C5AR2: variants seen among roughly 807,000 people sequenced by gnomAD.
C5AR2 encodes the protein C5a anaphylatoxin chemotactic receptor 2.
For missense variants in C5AR2, 458 were observed against 467.5 expected (o/e 0.98, Z 0.19); for synonymous variants, 224 against 216.5 (o/e 1.03, Z -0.30).
chr19:47,341,224 G>A lies in C5AR2; in HGVS notation c.425G>A (p.Trp142Ter), dbSNP rs1014828544. The A allele has an allele frequency of 1.1e-5, 18 of 1,601,602 alleles. No individual in the cohort carries two copies. Among genetic ancestry groups the A allele is most frequent in the Admixed American group, 1.7e-5 (1 of 59,992 alleles). Reference protein sequence around the residue: ...LCFLALGPAWWSTVQRACGVQ... With the variant: ...LCFLALGPAW ...TTCCTGGCTCTCGGGCCTGCCTGGTGGTCTACGGTTCAGCGGGCGTGCGGG... is the reference window on the plus strand; with the variant it reads ...TTCCTGGCTCTCGGGCCTGCCTGGTAGTCTACGGTTCAGCGGGCGTGCGGG... The change falls in exon 2 of 2, where the codon TGG becomes TAG. Residue 142 changes from tryptophan to a stop codon, truncating the protein, a stop_gained. Transcript: ENST00000595464. LOFTEE classifies it low-confidence loss of function (END_TRUNC). The surrounding 1 kb of genome is among the most constrained non-coding windows in gnomAD (Gnocchi z 4.6).
At chr19:47,337,837 G>A (rs984310899) in intron 1 of C5AR2, among the ~76,000 whole-genome samples, 3 of 151,982 alleles carry the variant, frequency 2.0e-5, no homozygotes, top group Admixed American at 6.6e-5. Flanking sequence ...TTGGGAGGCC[G>A]TGGCAGGCAG....
Position 47,341,254 on chromosome 19 carries a change from A to T in C5AR2, c.455A>T (p.Gln152Leu). The change falls in exon 2 of 2, where the codon CAG (glutamine) becomes CTG (leucine). Residue 152 changes from glutamine (Q) to leucine (L), a missense_variant. By Grantham distance (113) the Gln-to-Leu change is moderately radical (BLOSUM62 -2). Coordinates refer to ENST00000595464, the MANE Select transcript of C5AR2 (RefSeq NM_001271749.2). This position sits in a 1 kb window ranked among gnomAD's most constrained non-coding sequence, Gnocchi z 4.6. ...ACGGTTCAGCGGGCGTGCGGGGTGC[A>T]GGTGGCCTGTGGGGCAGCCTGGACA... The part of the protein sequence containing the change: ...WSTVQRACGV[Q>L]VACGAAWTLA... The T allele has an allele frequency of 6.2e-7, 1 of 1,603,434 alleles. No homozygotes were observed. The highest frequency in any genetic ancestry group is 8.5e-7 in the Non-Finnish European group (1 of 1,179,814).
At chr19:47,334,498 T>C (rs2059350166) in intron 1 of C5AR2, among the ~76,000 whole-genome samples, 1 of 148,242 alleles carries the variant, frequency 6.7e-6, no homozygotes, top group South Asian at 2.1e-4. Flanking sequence ...CTGGGCATGA[T>C]GGCGTGCACC....
In C5AR2 at chr19:47,333,584, C is replaced by CTT. The variant is rs34383862; in HGVS notation, c.-16+1254_-16+1255dup. On this transcript the variant is annotated intron_variant, in intron 1 of 1. Coordinates refer to ENST00000595464, the MANE Select transcript of C5AR2 (RefSeq NM_001271749.2). ...TCAGGAATAAAGAATGTTCAGACTC[C>CTT]TTTTTTTTTTTTTTTTTTTTGAGAT... 1.7e-3 allele frequency among the ~76,000 whole-genome samples: 206 copies of CTT among 124,436 alleles called. 2 individuals are homozygous for CTT. The highest frequency in any genetic ancestry group is 5.0e-3 in the African/African-American group (157 of 31,312). The allele number at this position is 124,436 out of a possible 152,430, so 81.6% of individuals were successfully genotyped here. A position where few individuals can be genotyped will look rare whatever the true frequency, so the allele number is the denominator to read the frequency against.
In C5AR2 at chr19:47,341,229, A is replaced by G; in HGVS notation, c.430A>G (p.Thr144Ala). ...FLALGPAWWS[T>A]VQRACGVQVA... ...GGCTCTCGGGCCTGCCTGGTGGTCT[A>G]CGGTTCAGCGGGCGTGCGGGGTGCA... The change falls in exon 2 of 2, where the codon ACG becomes GCG. Residue 144 changes from threonine (T) to alanine (A), a missense_variant. Transcript: ENST00000595464. This position sits in a 1 kb window ranked among gnomAD's most constrained non-coding sequence, Gnocchi z 4.6. The G allele has an allele frequency of 1.2e-6, 2 of 1,601,612 alleles. No individual in the cohort carries two copies. The highest frequency in any genetic ancestry group is 1.7e-6 in the Non-Finnish European group (2 of 1,179,830).
chr19:47,341,263 G>A lies in C5AR2; in HGVS notation c.464G>A (p.Cys155Tyr), dbSNP rs1400639698. Residue 155 changes from cysteine (C) to tyrosine (Y), a missense_variant, in exon 2 of 2, where the codon TGT (cysteine) becomes TAT (tyrosine). Physicochemically the swap from Cys to Tyr is radical, Grantham distance 194. Coordinates refer to ENST00000595464, the MANE Select transcript of C5AR2 (RefSeq NM_001271749.2). This position sits in a 1 kb window ranked among gnomAD's most constrained non-coding sequence, Gnocchi z 4.6. ...VQRACGVQVA[C>Y]GAAWTLALLL... Reference sequence around the variant, plus strand: ...CGGGCGTGCGGGGTGCAGGTGGCCTGTGGGGCAGCCTGGACACTGGCCTTG... The same window carrying A: ...CGGGCGTGCGGGGTGCAGGTGGCCTATGGGGCAGCCTGGACACTGGCCTTG... 6.2e-7 allele frequency: 1 copy of A among 1,604,430 alleles called. No homozygotes were observed. The highest frequency in any genetic ancestry group is 8.5e-7 in the Non-Finnish European group (1 of 1,179,862).
Position 47,342,150 on chromosome 19 carries a change from T to A in C5AR2, c.*337T>A. 4.4e-6 allele frequency: 1 copy of A among 224,806 alleles called. No homozygotes were observed. Among genetic ancestry groups the A allele is most frequent in the Non-Finnish European group, 9.0e-6 (1 of 110,886 alleles). The allele number at this position is 224,806 out of a possible 1,614,324, so 13.9% of individuals were successfully genotyped here. ...CAGGTAGATCACTTGAGGTCAGGAC[T>A]TCAAGACCAGCCTAGCCAATATGGT... On this transcript the variant is annotated 3_prime_UTR_variant, in exon 2 of 2. Coordinates refer to ENST00000595464, the MANE Select transcript of C5AR2 (RefSeq NM_001271749.2).
At position 47,343,414 on chromosome 19, in the gene C5AR2, G is replaced by T. The variant is rs745506058; in HGVS notation, c.*1601G>T. The stretch of plus-strand genomic sequence containing the variant: ...TACACACCCTTCGGGCTATATTCAC[G>T]CTTCTGCATCTTTCCTGAAGCTGTG... On this transcript the variant is annotated 3_prime_UTR_variant, in exon 2 of 2. Coordinates refer to ENST00000595464, the MANE Select transcript of C5AR2 (RefSeq NM_001271749.2). 3 of 152,140 alleles carry T rather than the reference G, an allele frequency of 2.0e-5. No individual in the cohort carries two copies. Among genetic ancestry groups the T allele is most frequent in the Non-Finnish European group, 4.4e-5 (3 of 68,038 alleles). 9.4% of individuals were successfully genotyped at this position (152,140 alleles called of 1,614,324 possible).
Position 47,341,140 on chromosome 19 carries a change from T to G in C5AR2, c.341T>G (p.Ile114Ser), listed in dbSNP as rs1188486560. Residue 114 changes from isoleucine to serine, a missense_variant, in exon 2 of 2, where the codon ATC (isoleucine) becomes AGC (serine). By Grantham distance (142) the Ile-to-Ser change is moderately radical. Coordinates refer to ENST00000595464, the MANE Select transcript of C5AR2 (RefSeq NM_001271749.2). The surrounding 1 kb of genome is among the most constrained non-coding windows in gnomAD (Gnocchi z 4.6). The stretch of plus-strand genomic sequence containing the variant: ...GGCTGTCGGGCGCTGCCCTCCATCA[T>G]CCTGCTGACCATGTATGCCAGCGTC... ...AVGCRALPSI[I>S]LLTMYASVLL... 1 of 1,601,880 alleles carries G rather than the reference T, an allele frequency of 6.2e-7. No homozygotes were observed. The highest frequency in any genetic ancestry group is 8.5e-7 in the Non-Finnish European group (1 of 1,179,890).
intron 1 of C5AR2, among the ~76,000 whole-genome samples, chr19:47,334,051 A>G (rs367989259): frequency 1.3e-5 from 2 of 151,936 alleles, no homozygotes; most frequent in African/African-American, 4.8e-5. Flanking sequence ...TTATCCTTTC[A>G]CTTACCAAAT....
Position 47,344,288 on chromosome 19 carries a change from A to T in C5AR2, c.*2475A>T, listed in dbSNP as rs758009685. Reference sequence around the variant, plus strand: ...CTTCAGCCTGGGAGGTTGAGGCTGCAGTGAGCCGTGATCTCATCACTGCAC... The same window carrying T: ...CTTCAGCCTGGGAGGTTGAGGCTGCTGTGAGCCGTGATCTCATCACTGCAC... On this transcript the variant is annotated 3_prime_UTR_variant, in exon 2 of 2. Transcript: ENST00000595464. The T allele has an allele frequency of 6.6e-6, 1 of 152,350 alleles. No individual in the cohort carries two copies. The highest frequency in any genetic ancestry group is 1.5e-5 in the Non-Finnish European group (1 of 68,176). The allele number at this position is 152,350 out of a possible 1,614,324, so 9.4% of individuals were successfully genotyped here.
intron 1 of C5AR2, among the ~76,000 whole-genome samples, chr19:47,336,615 T>C (rs573830531): frequency 1.3e-5 from 2 of 152,038 alleles, no homozygotes; most frequent in African/African-American, 4.8e-5. Flanking sequence ...TCATGTGATC[T>C]TCCACCCCAG....
chr19:47,332,976 C>T (rs1003804080), intron 1 of C5AR2, among the ~76,000 whole-genome samples: 1 of 152,044 alleles, frequency 6.6e-6, no homozygotes, highest in African/African-American at 2.4e-5. Flanking sequence ...TTTAACTCAG[C>T]GATTCCAATT....
chr19:47,335,375 G>A (rs2059353457), intron 1 of C5AR2, among the ~76,000 whole-genome samples: 1 of 151,982 alleles, frequency 6.6e-6, no homozygotes, highest in Admixed American at 6.6e-5. Context: ...ATGGAACAAC[G>A]TATGTTGAAA....
At position 47,341,292 on chromosome 19, in the gene C5AR2, C is replaced by G; in HGVS notation, c.493C>G (p.Leu165Val). The G allele has an allele frequency of 6.2e-7, 1 of 1,607,764 alleles. No homozygotes were observed. ...CGAAWTLALL[L>V]TVPSAIYRRL... is the part of the protein sequence containing the mutation. ...GGCAGCCTGGACACTGGCCTTGCTG[C>G]TCACCGTGCCCTCCGCCATCTACCG... The change falls in exon 2 of 2, where the codon CTC (leucine) becomes GTC (valine). Residue 165 changes from leucine (L) to valine (V), a missense_variant. Coordinates refer to ENST00000595464, the MANE Select transcript of C5AR2 (RefSeq NM_001271749.2). This position sits in a 1 kb window ranked among gnomAD's most constrained non-coding sequence, Gnocchi z 4.6.
chr19:47,341,446 T>C lies in C5AR2; in HGVS notation c.647T>C (p.Val216Ala). Reference protein sequence around the residue: ...LFGFLGPLVAVASCHSALLCW... With the variant: ...LFGFLGPLVAAASCHSALLCW... Reference sequence around the variant, plus strand: ...GGCTTCCTGGGGCCCCTGGTGGCCGTGGCCAGCTGCCACAGTGCCCTCCTG... The same window carrying C: ...GGCTTCCTGGGGCCCCTGGTGGCCGCGGCCAGCTGCCACAGTGCCCTCCTG... The change falls in exon 2 of 2, where the codon GTG becomes GCG. Residue 216 changes from valine to alanine, a missense_variant. Coordinates refer to ENST00000595464, the MANE Select transcript of C5AR2 (RefSeq NM_001271749.2). The surrounding 1 kb of genome is among the most constrained non-coding windows in gnomAD (Gnocchi z 4.6). 3 of 1,611,670 alleles carry C rather than the reference T, an allele frequency of 1.9e-6. No homozygotes were observed. The highest frequency in any genetic ancestry group is 2.5e-6 in the Non-Finnish European group (3 of 1,179,822).
In C5AR2 at chr19:47,341,895, A is replaced by C; in HGVS notation, c.*82A>C. 2 of 1,276,888 alleles carry C rather than the reference A, an allele frequency of 1.6e-6. No individual in the cohort carries two copies. The highest frequency in any genetic ancestry group is 2.2e-6 in the Non-Finnish European group (2 of 902,552). The allele number at this position is 1,276,888 out of a possible 1,614,324, so 79.1% of individuals were successfully genotyped here. A position where few individuals can be genotyped will look rare whatever the true frequency, so the allele number is the denominator to read the frequency against. ...AGGCATAGCTGGATCCAGGAGCTCA[A>C]TGATGTCTTCATTTTATTCCTTCCT... On this transcript the variant is annotated 3_prime_UTR_variant, in exon 2 of 2. Coordinates refer to ENST00000595464, the MANE Select transcript of C5AR2 (RefSeq NM_001271749.2). The surrounding 1 kb of genome is among the most constrained non-coding windows in gnomAD (Gnocchi z 4.6).
At chr19:47,337,605 T>C (rs2059363260) in intron 1 of C5AR2, among the ~76,000 whole-genome samples, 1 of 151,680 alleles carries the variant, frequency 6.6e-6, no homozygotes, top group African/African-American at 2.4e-5. Flanking sequence ...GAGGTTGCAG[T>C]GAGCCGAGAT....
chr19:47,341,912 T>C lies in C5AR2; in HGVS notation c.*99T>C. The C allele has an allele frequency of 8.9e-7, 1 of 1,128,048 alleles. No homozygotes were observed. The highest frequency in any genetic ancestry group is 1.3e-6 in the Non-Finnish European group (1 of 779,746). The allele number at this position is 1,128,048 out of a possible 1,614,324, so 69.9% of individuals were successfully genotyped here. A position where few individuals can be genotyped will look rare whatever the true frequency, so the allele number is the denominator to read the frequency against. ...GGAGCTCAATGATGTCTTCATTTTA[T>C]TCCTTCCTTCATTCAACAGATATCC... On this transcript the variant is annotated 3_prime_UTR_variant, in exon 2 of 2. Coordinates refer to ENST00000595464, the MANE Select transcript of C5AR2 (RefSeq NM_001271749.2). The surrounding 1 kb of genome is among the most constrained non-coding windows in gnomAD (Gnocchi z 4.6).
Sources: allele counts gnomAD v4.1 joint callset (sites outside exome capture counted in the v4.1 genomes callset), GRCh38; gene constraint gnomAD v4.1.1; non-coding constraint Gnocchi (gnomAD v3.1); transcripts MANE v1.5; gene names NCBI Gene and HGNC (gene_info 2026-07-23, HGNC 2026-07-21).